The following WDR27 variants were observed in gnomAD, a reference collection of about 807,000 sequenced individuals.
The protein encoded by WDR27 is WD repeat domain 27.
In WDR27, 100 loss-of-function variants were observed where a neutral mutation model predicts 114.4. The observed-to-expected ratio is 0.87, with a 90% CI of 0.74 to 1.03. WDR27 has a LOEUF of 1.03. Ranked by LOEUF, WDR27 falls within the 50% of genes least tolerant of loss-of-function variation. The probability of loss-of-function intolerance (pLI) is 0.00; values close to 1 mark genes in which losing one functional copy is unlikely to be tolerated. For synonymous variants in WDR27, 449 were observed against 423.1 expected, an observed-to-expected ratio of 1.06 and a Z score of -0.75; for missense variants, 1,129 against 1,092.9, an observed-to-expected ratio of 1.03 and a Z score of -0.47.
chr6:169,649,180 G>A lies in WDR27; in HGVS notation c.1559+18C>T, dbSNP rs1821591162. ...AGGTTATTTCAAATGTACTTGGAAT[G>A]CACGCTACATCACACACCGTGCGCA... On this transcript the variant is annotated intron_variant, in intron 15 of 25. Transcript: ENST00000448612. The A allele has an allele frequency of 1.9e-6, 3 of 1,555,966 alleles. No individual in the cohort carries two copies. The highest frequency in any genetic ancestry group is 1.9e-5 in the Admixed American group (1 of 51,948).
chr6:169,538,227 G>GT (rs1283307255), intron 25 of WDR27, among the ~76,000 whole-genome samples: 2 of 152,172 alleles, frequency 1.3e-5, no homozygotes, highest in Non-Finnish European at 2.9e-5. Flanking sequence ...AACACCTTGT[G>GT]TGTAGTTTAG....
In WDR27 at chr6:169,542,157, G is replaced by T. The variant is rs757764982; in HGVS notation, c.2645+30262C>A. Among the ~76,000 whole-genome samples the T allele has an allele frequency of 2.6e-5, 4 of 152,146 alleles. No homozygotes were observed. The East Asian group carries it at 5.8e-4, about 22-fold the overall frequency. On this transcript the variant is annotated intron_variant, in intron 25 of 25. Transcript: ENST00000448612. ...TGCAAAAATGCCGAATTTTATCAACGAATCATCAGATTGGTAGTTAAAAGT... is the reference window on the plus strand; with the variant it reads ...TGCAAAAATGCCGAATTTTATCAACTAATCATCAGATTGGTAGTTAAAAGT...
chr6:169,690,261 C>T (rs1315512753), intron 1 of WDR27, among the ~76,000 whole-genome samples: 10 of 152,190 alleles, frequency 6.6e-5, no homozygotes, highest in Non-Finnish European at 1.3e-4. Flanking sequence ...GCAGCCATCA[C>T]ACTGGTCACG....
intron 25 of WDR27, among the ~76,000 whole-genome samples, chr6:169,501,735 A>G (rs769221197): frequency 7.9e-5 from 12 of 152,148 alleles, no homozygotes; most frequent in Admixed American, 2.0e-4. Flanking sequence ...GAGGATGCAC[A>G]TGGTCTGGTT....
At chr6:169,658,475 A>G in intron 12 of WDR27, 117 bp from the exon 13 acceptor site, 2 of 740,298 alleles carry the variant, frequency 2.7e-6, no homozygotes, top group South Asian at 1.7e-5. Flanking sequence ...AGCTGTGGAC[A>G]TAACAGTATC....
chr6:169,624,808 C>A lies in WDR27; in HGVS notation c.2223+8139G>T, dbSNP rs373777732. Among the ~76,000 whole-genome samples, 267 of 152,210 alleles carry A rather than the reference C, an allele frequency of 1.8e-3. 1 individual carries two copies. The highest frequency in any genetic ancestry group is 6.3e-3 in the African/African-American group (260 of 41,506). On this transcript the variant is annotated intron_variant, in intron 21 of 25. Transcript: ENST00000448612. Reference sequence around the variant, plus strand: ...AGACACGTGAGCCGCAGCCATGCAACCCCATGGGATGAAAAATTCGAGATG... The same window carrying A: ...AGACACGTGAGCCGCAGCCATGCAAACCCATGGGATGAAAAATTCGAGATG...
At chr6:169,533,831 G>GTA (rs1242400044) in intron 25 of WDR27, among the ~76,000 whole-genome samples, 1 of 151,870 alleles carries the variant, frequency 6.6e-6, no homozygotes, top group Non-Finnish European at 1.5e-5. Context: ...GCCTGTGTGT[G>GTA]TGTGTGTGTG....
chr6:169,591,480 C>A (rs1360937327), intron 23 of WDR27, among the ~76,000 whole-genome samples: 3 of 152,112 alleles, frequency 2.0e-5, no homozygotes, highest in African/African-American at 4.8e-5. Context: ...AAATACAGTC[C>A]GAACAGGAAA....
At position 169,640,947 on chromosome 6, in the gene WDR27, G is replaced by A. The variant is rs141226369; in HGVS notation, c.1748-2287C>T. ...GAGGCCACACAGGAGGGAGGGTCAA[G>A]TCACTGCTACTCATGCCCTTCCTTC... On this transcript the variant is annotated intron_variant, in intron 17 of 25. Coordinates refer to ENST00000448612, the MANE Select transcript of WDR27 (RefSeq NM_182552.5). Among the ~76,000 whole-genome samples the A allele has an allele frequency of 2.1e-4, 32 of 152,330 alleles. 3 individuals carry two copies. The East Asian group carries it at 6.2e-3, about 29-fold the overall frequency.
chr6:169,445,262 C>T, the WDR27 span, among the ~76,000 whole-genome samples: 1 of 152,154 alleles, frequency 6.6e-6, no homozygotes, highest in Non-Finnish European at 1.5e-5. Context: ...AAATTTAGAG[C>T]CCTGCCTACT....
chr6:169,602,114 C>A, intron 23 of WDR27, 105 bp downstream of exon 23: 1 of 729,016 alleles, frequency 1.4e-6, no homozygotes, highest in South Asian at 3.6e-5. Flanking sequence ...GACCAACAGT[C>A]AAGCTGAAAG....
At chr6:169,446,169 T>C in the WDR27 span, among the ~76,000 whole-genome samples, 26,417 of 152,266 alleles carry the variant, frequency 0.17, 3,392 homozygotes, top group East Asian at 0.65. Context: ...GACCTGCTGC[T>C]GAGCTGCCGT....
intron 25 of WDR27, among the ~76,000 whole-genome samples, chr6:169,542,034 T>C (rs971968324): frequency 2.6e-5 from 4 of 152,274 alleles, no homozygotes; most frequent in East Asian, 1.9e-4. Flanking sequence ...GTATAGATTT[T>C]AGACATTTGC....
chr6:169,437,525 C>A, the WDR27 span, among the ~76,000 whole-genome samples: 59 of 152,194 alleles, frequency 3.9e-4, no homozygotes, highest in East Asian at 7.7e-3. Context: ...GAAAAAAATT[C>A]ATTTCTCAAG....
chr6:169,454,802 C>T (rs1784285134), downstream of WDR27, among the ~76,000 whole-genome samples: 1 of 152,216 alleles, frequency 6.6e-6, no homozygotes, highest in African/African-American at 2.4e-5. Context: ...AGACAGCAGG[C>T]TAGACAGAGC....
intron 22 of WDR27, among the ~76,000 whole-genome samples, chr6:169,605,285 A>G (rs563045810): frequency 1.3e-5 from 2 of 152,078 alleles, no homozygotes; most frequent in South Asian, 4.2e-4. Flanking sequence ...ATACAAAATC[A>G]ATGTGTAAAA....
At chr6:169,448,405 T>G in the WDR27 span, among the ~76,000 whole-genome samples, 113 of 99,508 alleles carry the variant, frequency 1.1e-3, no homozygotes, top group African/African-American at 5.6e-3. Flanking sequence ...TGTGTGTGTG[T>G]GTGTGTGTGT....
chr6:169,507,951 T>C (rs1010714522), intron 25 of WDR27, among the ~76,000 whole-genome samples: 1 of 152,212 alleles, frequency 6.6e-6, no homozygotes, highest in Non-Finnish European at 1.5e-5. Context: ...CATGTACTTC[T>C]GTACTATGAA....
intron 25 of WDR27, among the ~76,000 whole-genome samples, chr6:169,547,535 T>G (rs1228125108): frequency 6.6e-6 from 1 of 152,170 alleles, no homozygotes; most frequent in African/African-American, 2.4e-5. Flanking sequence ...AAAAATCAAT[T>G]AATGTAATCT....
Sources: gnomAD v4.1 joint callset for allele counts (sites outside exome capture counted in the v4.1 genomes callset) on GRCh38, gnomAD v4.1.1 for gene constraint, MANE v1.5 for transcripts, NCBI Gene and HGNC (gene_info 2026-07-23, HGNC 2026-07-21) for gene names.